Variants in TNFRSF21 observed in about 807,000 individuals in gnomAD.
TNFRSF21 encodes tumor necrosis factor receptor superfamily member 21.
TNFRSF21 carries 19 observed loss-of-function variants against 45.6 expected under a neutral mutation model. That is an observed-to-expected ratio of 0.42 (90% CI 0.29 to 0.61). TNFRSF21 has a LOEUF of 0.61. TNFRSF21 is among the 20% of genes least tolerant of loss of function. TNFRSF21 has a pLI of 0.23. For missense variants in TNFRSF21, 737 were observed against 851.5 expected (o/e 0.87, Z 1.67); for synonymous variants, 314 against 335.5 (o/e 0.94, Z 0.70).
intron 3 of TNFRSF21, among the ~76,000 whole-genome samples, chr6:47,280,876 A>G (rs1762557269): frequency 6.6e-6 from 1 of 152,232 alleles, no homozygotes; most frequent in Non-Finnish European, 1.5e-5. Flanking sequence ...TGCAACTACT[A>G]AAGGAATGGA....
chr6:47,261,906 G>A (rs932411740), intron 3 of TNFRSF21, among the ~76,000 whole-genome samples: 1 of 152,226 alleles, frequency 6.6e-6, no homozygotes, highest in Non-Finnish European at 1.5e-5. Flanking sequence ...ACCAACAGCA[G>A]TAACTTCCAG....
At position 47,253,341 on chromosome 6, in the gene TNFRSF21, A is replaced by G. The variant is rs1764931280; in HGVS notation, c.1424T>C (p.Leu475Pro). The G allele has an allele frequency of 6.2e-7, 1 of 1,613,936 alleles. No homozygotes were observed. Among genetic ancestry groups the G allele is most frequent in the African/African-American group, 1.3e-5 (1 of 74,934 alleles). The change falls in exon 4 of 6, where the codon CTC (leucine) becomes CCC (proline). Residue 475 changes from leucine to proline, a missense_variant. Transcript: ENST00000296861. ...HWTIRGPEAS[L>P]AQLISALRQH... is the part of the protein sequence containing the mutation. ...GCGCAGGGCGCTAATTAGCTGGGCG[A>G]GGCTGGCCTCGGGGCCCCGGATGGT...
At chr6:47,308,361 C>T (rs959337358) in intron 1 of TNFRSF21, among the ~76,000 whole-genome samples, 3 of 152,166 alleles carry the variant, frequency 2.0e-5, no homozygotes, top group Non-Finnish European at 4.4e-5. Context: ...GTCGTGAAAA[C>T]AAGCTCTTGT....
intron 3 of TNFRSF21, among the ~76,000 whole-genome samples, chr6:47,255,794 C>T (rs746529181): frequency 2.6e-5 from 4 of 151,976 alleles, no homozygotes; most frequent in Non-Finnish European, 5.9e-5. Flanking sequence ...GTCACGCTCA[C>T]CTGCCCTGAT....
intron 3 of TNFRSF21, among the ~76,000 whole-genome samples, chr6:47,267,833 A>G (rs1211833025): frequency 6.6e-6 from 1 of 152,102 alleles, no homozygotes; most frequent in Non-Finnish European, 1.5e-5. Context: ...TCACTGCACT[A>G]TGCTGCCTCC....
At chr6:47,284,504 G>A (rs1158453679) in intron 2 of TNFRSF21, 72 bp from the exon 3 acceptor site, 1 of 1,442,838 alleles carries the variant, frequency 6.9e-7, no homozygotes, top group Non-Finnish European at 9.1e-7. Flanking sequence ...TCCTTTCCCT[G>A]GTCATCTCCA....
At chr6:47,271,189 A>T (rs1317293016) in intron 3 of TNFRSF21, among the ~76,000 whole-genome samples, 1 of 152,218 alleles carries the variant, frequency 6.6e-6, no homozygotes, top group African/African-American at 2.4e-5. Flanking sequence ...CCTCGAGAAG[A>T]GCAACCTCAA....
rs1273082602 is a variant in TNFRSF21, at chr6:47,284,156, T to C, written c.1025A>G (p.Lys342Arg). The C allele has an allele frequency of 6.2e-7, 1 of 1,614,174 alleles. No homozygotes were observed. The highest frequency in any genetic ancestry group is 8.5e-7 in the Non-Finnish European group (1 of 1,180,034). The change falls in exon 3 of 6, where the codon AAG becomes AGG. Residue 342 changes from lysine to arginine, a missense_variant. Coordinates refer to ENST00000296861, the MANE Select transcript of TNFRSF21 (RefSeq NM_014452.5). ...KRGHPRQNLH[K>R]HFDINEHLPW... ...CAAATGCTCATTGATGTCAAAATGC[T>C]TGTGTAGGTTCTGTCTAGGATGTCC...
intron 3 of TNFRSF21, among the ~76,000 whole-genome samples, chr6:47,265,364 GCA>G (rs984185980): frequency 2.0e-5 from 3 of 151,654 alleles, no homozygotes; most frequent in Admixed American, 6.6e-5. Flanking sequence ...TCTTGACTGA[GCA>G]CAGTTTTTTT....
chr6:47,261,855 C>G (rs1717072255), intron 3 of TNFRSF21, among the ~76,000 whole-genome samples: 1 of 152,230 alleles, frequency 6.6e-6, no homozygotes, highest in Non-Finnish European at 1.5e-5. Flanking sequence ...ACCTGTGTTT[C>G]ATAGTAACCA....
chr6:47,251,776 TG>T, intron 4 of TNFRSF21, among the ~76,000 whole-genome samples: 1 of 152,332 alleles, frequency 6.6e-6, no homozygotes, highest in East Asian at 1.9e-4. Flanking sequence ...TTTACTTAAT[TG>T]GAGGGTTAAC....
chr6:47,287,765 T>C (rs557379511), intron 1 of TNFRSF21, among the ~76,000 whole-genome samples: 2 of 152,244 alleles, frequency 1.3e-5, no homozygotes, highest in South Asian at 4.1e-4. Flanking sequence ...TTTATAAAAG[T>C]GAATATTCAA....
intron 1 of TNFRSF21, among the ~76,000 whole-genome samples, chr6:47,300,395 T>C (rs1325989627): frequency 1.3e-5 from 2 of 152,202 alleles, no homozygotes; most frequent in Admixed American, 1.3e-4. Flanking sequence ...CCCATCTTCA[T>C]TGTCACTGCT....
chr6:47,293,643 A>C (rs904623733), intron 1 of TNFRSF21, among the ~76,000 whole-genome samples: 2 of 152,250 alleles, frequency 1.3e-5, no homozygotes, highest in Non-Finnish European at 2.9e-5. Flanking sequence ...GACCTCTGAA[A>C]GTTTAGCAAC....
intron 1 of TNFRSF21, among the ~76,000 whole-genome samples, chr6:47,296,523 TAAGA>T (rs1762792502): frequency 6.6e-6 from 1 of 152,078 alleles, no homozygotes; most frequent in South Asian, 2.1e-4. Context: ...GGGCTGGTCA[TAAGA>T]AAGACCAAGG....
At chr6:47,260,793 G>A (rs369593979) in intron 3 of TNFRSF21, among the ~76,000 whole-genome samples, 2 of 152,162 alleles carry the variant, frequency 1.3e-5, no homozygotes, top group East Asian at 3.8e-4. Flanking sequence ...TGCAGAATGG[G>A]TGCATCTAAG....
At chr6:47,273,500 T>A (rs1762456456) in intron 3 of TNFRSF21, among the ~76,000 whole-genome samples, 1 of 152,170 alleles carries the variant, frequency 6.6e-6, no homozygotes, top group Admixed American at 6.5e-5. Context: ...TAGGTATTGA[T>A]GGAATGTATC....
intron 3 of TNFRSF21, among the ~76,000 whole-genome samples, chr6:47,276,117 G>A (rs1762493849): frequency 1.3e-5 from 2 of 152,166 alleles, no homozygotes; most frequent in African/African-American, 4.8e-5. Context: ...TTTAGTAGCT[G>A]AATGGATTTG....
At chr6:47,279,784 GAAGA>G (rs768859307) in intron 3 of TNFRSF21, among the ~76,000 whole-genome samples, 15 of 152,076 alleles carry the variant, frequency 9.9e-5, no homozygotes, top group African/African-American at 1.4e-4. Context: ...TAAACATTCT[GAAGA>G]TACTTCCAAT....
Sources: gnomAD v4.1 joint callset for allele counts (sites outside exome capture counted in the v4.1 genomes callset) on GRCh38, gnomAD v4.1.1 for gene constraint, MANE v1.5 for transcripts, NCBI Gene and HGNC (gene_info 2026-07-23, HGNC 2026-07-21) for gene names.